The following ZCWPW2 variants were observed in gnomAD, a reference collection of about 807,000 sequenced individuals.
ZCWPW2 encodes zinc finger CW-type and PWWP domain containing 2, also known as zinc finger CW-type PWWP domain protein 2.
In ZCWPW2, 45 loss-of-function variants were observed where a neutral mutation model predicts 46.6. The observed-to-expected ratio is 0.96, with a 90% confidence interval of 0.76 to 1.24. ZCWPW2 has a LOEUF of 1.24. ZCWPW2 is among the 50% of genes most tolerant of loss of function. The pLI, the probability that ZCWPW2 is intolerant of heterozygous loss-of-function variation, is 0.00. For missense variants in ZCWPW2, 429 were observed against 403.9 expected, an observed-to-expected ratio of 1.06 and a Z score of -0.53; for synonymous variants, 152 against 137.1, an observed-to-expected ratio of 1.11 and a Z score of -0.76.
chr3:28,422,024 ATTTAT>A (rs1199669013), intron 3 of ZCWPW2, among the ~76,000 whole-genome samples: 2 of 151,806 alleles, frequency 1.3e-5, no homozygotes, highest in Non-Finnish European at 2.9e-5. Flanking sequence ...TTACATTTTT[ATTTAT>A]TTTAAGTAAT....
chr3:28,404,526 C>G (rs1400699458), intron 2 of ZCWPW2, among the ~76,000 whole-genome samples: 1 of 152,084 alleles, frequency 6.6e-6, no homozygotes, highest in African/African-American at 2.4e-5. Context: ...ACTACTGGCT[C>G]TCTACCCAGA....
intron 2 of ZCWPW2, among the ~76,000 whole-genome samples, chr3:28,397,860 C>T (rs142913662): frequency 1.3e-5 from 2 of 152,162 alleles, no homozygotes; most frequent in Non-Finnish European, 2.9e-5. Context: ...CTCTACAGGC[C>T]TTGGTGTTCT....
At chr3:28,399,148 GCCTGTGACTCTGGTTTTCCTCCA>G (rs1695824036) in intron 2 of ZCWPW2, among the ~76,000 whole-genome samples, 1 of 152,104 alleles carries the variant, frequency 6.6e-6, no homozygotes, top group African/African-American at 2.4e-5. Flanking sequence ...GCTGGGTGAG[GCCTGTGACTCTGGTTTTCCTCCA>G]CTTCACTGAC....
chr3:28,352,034 T>C (rs1180043533), intron 1 of ZCWPW2, among the ~76,000 whole-genome samples: 1 of 151,946 alleles, frequency 6.6e-6, no homozygotes. Context: ...TATTTGGGCA[T>C]ACACAGTTGT....
chr3:28,405,077 C>T (rs1000306648), intron 2 of ZCWPW2, among the ~76,000 whole-genome samples: 3 of 152,116 alleles, frequency 2.0e-5, no homozygotes, highest in African/African-American at 7.2e-5. Context: ...CTTATCACAT[C>T]TCACATAAAA....
chr3:28,489,699 CA>C (rs1699740036), intron 5 of ZCWPW2, among the ~76,000 whole-genome samples: 1 of 149,514 alleles, frequency 6.7e-6, no homozygotes, highest in African/African-American at 2.5e-5. Flanking sequence ...CACACACACA[CA>C]CACACCCCAT....
intron 4 of ZCWPW2, among the ~76,000 whole-genome samples, chr3:28,444,763 C>T (rs903031273): frequency 1.3e-5 from 2 of 152,142 alleles, no homozygotes; most frequent in Non-Finnish European, 2.9e-5. Flanking sequence ...TCGCTGAGTT[C>T]ATCATTTGCT....
chr3:28,427,100 C>G (rs905528193), intron 3 of ZCWPW2, among the ~76,000 whole-genome samples: 1 of 152,166 alleles, frequency 6.6e-6, no homozygotes, highest in Admixed American at 6.5e-5. Flanking sequence ...CCACAGATTC[C>G]AAAATTGATC....
chr3:28,434,253 A>G (rs1393804613), intron 3 of ZCWPW2, among the ~76,000 whole-genome samples: 1 of 151,980 alleles, frequency 6.6e-6, no homozygotes, highest in Non-Finnish European at 1.5e-5. Flanking sequence ...CTATTCTCTA[A>G]TTTCCTGTTC....
At position 28,381,288 on chromosome 3, in the gene ZCWPW2, G is replaced by A. The variant is rs182022089; in HGVS notation, c.-133-9210G>A. Among the ~76,000 whole-genome samples, 224 of 151,184 alleles carry A rather than the reference G, an allele frequency of 1.5e-3. 2 individuals carry two copies. The highest frequency in any genetic ancestry group is 4.4e-3 in the African/African-American group (183 of 41,200). On this transcript the variant is annotated intron_variant, in intron 1 of 9. Transcript: ENST00000383768. ...GAAACCCTTAACAATAACATAAACA[G>A]TTAATTAACACATACTTTGTATGTT... is the stretch of plus-strand genomic sequence containing the variant.
At chr3:28,388,858 T>G (rs1695379011) in intron 1 of ZCWPW2, among the ~76,000 whole-genome samples, 1 of 152,174 alleles carries the variant, frequency 6.6e-6, no homozygotes, top group Non-Finnish European at 1.5e-5. Context: ...TTATTATAAT[T>G]TTCTCTTAAC....
intron 1 of ZCWPW2, among the ~76,000 whole-genome samples, chr3:28,351,152 A>G (rs1343877492): frequency 1.3e-5 from 2 of 151,038 alleles, no homozygotes; most frequent in African/African-American, 4.9e-5. Context: ...AAATATATAT[A>G]TATTTTTTAG....
At chr3:28,521,837 C>T (rs1700732091) in intron 9 of ZCWPW2, among the ~76,000 whole-genome samples, 2 of 152,246 alleles carry the variant, frequency 1.3e-5, no homozygotes, top group East Asian at 3.9e-4. Flanking sequence ...GTTCTGTAAC[C>T]TTAAGGCTTT....
At chr3:28,440,622 C>G (rs1697711620) in intron 4 of ZCWPW2, among the ~76,000 whole-genome samples, 1 of 152,156 alleles carries the variant, frequency 6.6e-6, no homozygotes, top group South Asian at 2.1e-4. Flanking sequence ...TTCTATCAAT[C>G]CAGCTATTTT....
chr3:28,413,477 C>G, intron 3 of ZCWPW2, 77 bp downstream of exon 3: 1 of 1,253,034 alleles, frequency 8.0e-7, no homozygotes, highest in Non-Finnish European at 1.1e-6. Context: ...TTTTTGAAGA[C>G]TAAACATTTT....
intron 5 of ZCWPW2, among the ~76,000 whole-genome samples, chr3:28,483,276 A>T (rs896266272): frequency 2.6e-5 from 4 of 152,098 alleles, no homozygotes; most frequent in Admixed American, 2.6e-4. Context: ...TTGCTCCTTT[A>T]TCAATTATCT....
chr3:28,482,793 A>G (rs137944378), intron 5 of ZCWPW2, among the ~76,000 whole-genome samples: 289 of 152,198 alleles, frequency 1.9e-3, no homozygotes, highest in African/African-American at 6.5e-3. Context: ...CCACCTTTCT[A>G]TCTTCTTTGG....
intron 4 of ZCWPW2, chr3:28,447,853 T>G (rs1288551918): frequency 2.8e-5 from 29 of 1,039,200 alleles, no homozygotes; most frequent in African/African-American, 4.7e-5. Context: ...AAGCACCAAA[T>G]CTGCATGTGG....
At chr3:28,498,588 A>G (rs1700057340) in intron 6 of ZCWPW2, among the ~76,000 whole-genome samples, 1 of 151,974 alleles carries the variant, frequency 6.6e-6, no homozygotes, top group Non-Finnish European at 1.5e-5. Context: ...ACTTAAGAAA[A>G]TTTTAAATTC....
Sources: gnomAD v4.1 joint callset for allele counts (sites outside exome capture counted in the v4.1 genomes callset) on GRCh38, gnomAD v4.1.1 for gene constraint, MANE v1.5 for transcripts, NCBI Gene and HGNC (gene_info 2026-07-23, HGNC 2026-07-21) for gene names.